The following HS6ST3 variants were observed in gnomAD, a reference collection of about 807,000 sequenced individuals.
The protein encoded by HS6ST3 is heparan sulfate 6-O-sulfotransferase 3, also known as heparan-sulfate 6-O-sulfotransferase 3.
In HS6ST3, 12 loss-of-function variants were observed where a neutral mutation model predicts 36.7. The ratio of observed to expected loss-of-function variants is 0.33; its 90% CI spans 0.21 to 0.53. The LOEUF (loss-of-function observed/expected upper bound fraction) is 0.53. HS6ST3 is among the 20% of genes least tolerant of loss of function. The probability of loss-of-function intolerance (pLI) is 0.95; values close to 1 mark genes in which losing one functional copy is unlikely to be tolerated. For missense variants in HS6ST3, 584 were observed against 640.9 expected, an observed-to-expected ratio of 0.91 and a Z score of 0.96; for synonymous variants, 240 against 257.5, an observed-to-expected ratio of 0.93 and a Z score of 0.65.
At chr13:96,717,848 T>G (rs1470403001) in intron 1 of HS6ST3, among the ~76,000 whole-genome samples, 5 of 152,162 alleles carry the variant, frequency 3.3e-5, no homozygotes, top group Non-Finnish European at 5.9e-5. Flanking sequence ...CAGTTGCACA[T>G]ATGTGTGGGG....
chr13:96,368,515 A>ATT lies in HS6ST3; in HGVS notation c.707+276946_707+276947insTT, dbSNP rs745398366. Among the ~76,000 whole-genome samples the ATT allele has an allele frequency of 9.5e-3, 1,337 of 141,256 alleles. 15 individuals carry two copies. The highest frequency in any genetic ancestry group is 0.013 in the Non-Finnish European group (852 of 64,422). 92.7% of individuals were successfully genotyped at this position (141,256 alleles called of 152,430 possible). ...TGATATTCAGAGCTTTTTTTTTTAA[A>ATT]AAAAAAACATAATTTTCTTCTTCAT... On this transcript the variant is annotated intron_variant, in intron 1 of 1. Transcript: ENST00000376705.
intron 1 of HS6ST3, among the ~76,000 whole-genome samples, chr13:96,311,822 G>C (rs2054942261): frequency 6.6e-6 from 1 of 152,156 alleles, no homozygotes; most frequent in African/African-American, 2.4e-5. Context: ...CCACCAAGTA[G>C]AACTTGGAAA....
intron 1 of HS6ST3, among the ~76,000 whole-genome samples, chr13:96,423,239 T>C (rs1460634746): frequency 9.2e-5 from 14 of 152,188 alleles, no homozygotes; most frequent in Admixed American, 8.5e-4. Flanking sequence ...TCATGAGCTT[T>C]CACTCAGTTA....
intron 1 of HS6ST3, among the ~76,000 whole-genome samples, chr13:96,605,718 G>T (rs1185638806): frequency 2.0e-5 from 3 of 151,920 alleles, no homozygotes; most frequent in Non-Finnish European, 4.4e-5. Flanking sequence ...ATTTCAAATG[G>T]TTCAATATTT....
intron 1 of HS6ST3, among the ~76,000 whole-genome samples, chr13:96,640,795 A>G (rs1360537331): frequency 6.6e-6 from 1 of 152,004 alleles, no homozygotes; most frequent in Non-Finnish European, 1.5e-5. Flanking sequence ...TTATCCCAGC[A>G]CCATTTATTG....
chr13:96,720,073 C>T (rs886340124), intron 1 of HS6ST3, among the ~76,000 whole-genome samples: 14 of 152,140 alleles, frequency 9.2e-5, no homozygotes, highest in African/African-American at 3.1e-4. Context: ...TTCCCCACTC[C>T]TCCTCTCTCT....
At position 96,221,274 on chromosome 13, in the gene HS6ST3, A is replaced by T. The variant is rs186749221; in HGVS notation, c.707+129705A>T. Among the ~76,000 whole-genome samples, 252 of 152,298 alleles carry T rather than the reference A, an allele frequency of 1.7e-3. 3 individuals are homozygous for T. The highest frequency in any genetic ancestry group is 5.8e-3 in the African/African-American group (243 of 41,578). ...TTTGTGTGGGGTACATATGACTATT[A>T]TTCAAATTATTGGTCAAGGAAAAGT... On this transcript the variant is annotated intron_variant, in intron 1 of 1. Transcript: ENST00000376705.
chr13:96,479,109 G>A (rs2209861), intron 1 of HS6ST3, among the ~76,000 whole-genome samples: 114,360 of 152,092 alleles, frequency 0.75, 44,348 homozygotes, highest in Non-Finnish European at 0.84. Flanking sequence ...AAGGGGACAG[G>A]TGATTATATA....
At chr13:96,780,932 C>G (rs1326857759) in intron 1 of HS6ST3, among the ~76,000 whole-genome samples, 1 of 151,646 alleles carries the variant, frequency 6.6e-6, no homozygotes, top group Non-Finnish European at 1.5e-5. Flanking sequence ...TGACAGCTGC[C>G]AAGCATCTCA....
intron 1 of HS6ST3, among the ~76,000 whole-genome samples, chr13:96,197,673 T>A (rs1594712742): frequency 6.6e-6 from 1 of 152,128 alleles, no homozygotes; most frequent in South Asian, 2.1e-4. Context: ...GTACAGGTGT[T>A]AGGTAAATAC....
intron 1 of HS6ST3, among the ~76,000 whole-genome samples, chr13:96,491,911 G>A (rs1276844132): frequency 1.3e-5 from 2 of 152,088 alleles, no homozygotes; most frequent in African/African-American, 4.8e-5. Context: ...AGAATGAATG[G>A]AGATAGATCT....
intron 1 of HS6ST3, among the ~76,000 whole-genome samples, chr13:96,192,353 T>C (rs1327556325): frequency 1.3e-5 from 2 of 152,194 alleles, no homozygotes; most frequent in Non-Finnish European, 2.9e-5. Context: ...TGGATATATT[T>C]CATGCTGGTG....
At chr13:96,388,531 A>G (rs1352284324) in intron 1 of HS6ST3, among the ~76,000 whole-genome samples, 1 of 152,244 alleles carries the variant, frequency 6.6e-6, no homozygotes, top group Non-Finnish European at 1.5e-5. Context: ...CTAGAGCTGA[A>G]GAAGTATACG....
chr13:96,785,183 T>G (rs1877618816), intron 1 of HS6ST3, among the ~76,000 whole-genome samples: 1 of 151,946 alleles, frequency 6.6e-6, no homozygotes, highest in African/African-American at 2.4e-5. Context: ...AAAAAAAGTT[T>G]CTCTTTTGAA....
At chr13:96,098,267 C>T (rs2053801203) in intron 1 of HS6ST3, among the ~76,000 whole-genome samples, 1 of 152,048 alleles carries the variant, frequency 6.6e-6, no homozygotes, top group South Asian at 2.1e-4. Flanking sequence ...AGGATGTGAA[C>T]TCTGATGTAG....
chr13:96,728,784 G>GT (rs976127135), intron 1 of HS6ST3, among the ~76,000 whole-genome samples: 6 of 151,740 alleles, frequency 4.0e-5, no homozygotes, highest in African/African-American at 7.3e-5. Flanking sequence ...AGCCACAATT[G>GT]TTTTTTTTCC....
chr13:96,175,694 CAAAA>C (rs4001570), intron 1 of HS6ST3, among the ~76,000 whole-genome samples: 64 of 140,798 alleles, frequency 4.5e-4, no homozygotes, highest in African/African-American at 1.1e-3. Flanking sequence ...GTGAATTTGG[CAAAA>C]AAAAAAAAAA....
At chr13:96,114,053 T>C (rs1454051833) in intron 1 of HS6ST3, among the ~76,000 whole-genome samples, 3 of 152,146 alleles carry the variant, frequency 2.0e-5, no homozygotes, top group African/African-American at 7.2e-5. Flanking sequence ...TCTATACTTA[T>C]GGTCAGGTTC....
At chr13:96,642,792 A>G (rs911646018) in intron 1 of HS6ST3, among the ~76,000 whole-genome samples, 2 of 151,966 alleles carry the variant, frequency 1.3e-5, no homozygotes, top group Non-Finnish European at 2.9e-5. Context: ...GTGAGGCATC[A>G]GTTTCACATT....
Sources: allele counts gnomAD v4.1 joint callset (sites outside exome capture counted in the v4.1 genomes callset), GRCh38; gene constraint gnomAD v4.1.1; transcripts MANE v1.5; gene names NCBI Gene and HGNC (gene_info 2026-07-23, HGNC 2026-07-21).